The following TDRD9 variants were observed in gnomAD, a reference collection of about 807,000 sequenced individuals.
TDRD9 encodes tudor domain containing 9, also known as ATP-dependent RNA helicase TDRD9.
TDRD9 carries 124 observed loss-of-function variants against 172.6 expected under a neutral mutation model. The observed-to-expected ratio is 0.72, with a 90% confidence interval of 0.62 to 0.83. The LOEUF (loss-of-function observed/expected upper bound fraction) is 0.83. Among genes scored for constraint, TDRD9 ranks in the 40% least tolerant of loss-of-function variants. The pLI is 0.00. For missense variants in TDRD9, 1,479 were observed against 1,714.1 expected (o/e 0.86, Z 2.42); for synonymous variants, 619 against 617.1 (o/e 1.00, Z -0.05).
intron 34 of TDRD9, among the ~76,000 whole-genome samples, chr14:104,044,960 TG>T (rs2035722030): frequency 6.6e-6 from 1 of 152,260 alleles, no homozygotes; most frequent in Non-Finnish European, 1.5e-5. Flanking sequence ...CTGGCCAACA[TG>T]GTAAAACCCT....
chr14:103,959,667 G>A (rs1209596649), intron 2 of TDRD9, among the ~76,000 whole-genome samples: 1 of 152,010 alleles, frequency 6.6e-6, no homozygotes, highest in African/African-American at 2.4e-5. Flanking sequence ...GCCTGATACA[G>A]GTGTTATTTC....
intron 23 of TDRD9, 91 bp from the exon 24 acceptor site, chr14:104,022,066 G>A (rs905422499): frequency 1.5e-5 from 15 of 975,686 alleles, no homozygotes; most frequent in Middle Eastern, 2.6e-4. Flanking sequence ...GAGGAGAGAT[G>A]TGACAGAATT....
chr14:103,935,154 T>C (rs78299392), intron 1 of TDRD9, among the ~76,000 whole-genome samples: 3,485 of 152,336 alleles, frequency 0.023, 78 homozygotes, highest in East Asian at 0.072. Context: ...TGTACCTCTA[T>C]AGCTATGGGA....
Position 103,999,075 on chromosome 14 carries a change from G to A in TDRD9, c.1483+347G>A, listed in dbSNP as rs569619377. Among the ~76,000 whole-genome samples the A allele has an allele frequency of 2.6e-5, 4 of 152,310 alleles. No homozygotes were observed. The East Asian group carries it at 7.7e-4, about 29-fold the overall frequency. ...CCCAAAGTGCTGGGATTACAGGCGT[G>A]AGCCACCGTGCCCGGCCATTCAGAT... On this transcript the variant is annotated intron_variant, in intron 13 of 35. Coordinates refer to ENST00000409874, the MANE Select transcript of TDRD9 (RefSeq NM_153046.3).
rs959029489 is a variant in TDRD9 at position 104,046,081 on chromosome 14, C to T, written c.3975-3527C>T. Among the ~76,000 whole-genome samples the T allele has an allele frequency of 4.6e-5, 7 of 152,110 alleles. No homozygotes were observed. In the South Asian group the frequency reaches 6.2e-4, roughly 14 times the overall value. On this transcript the variant is annotated intron_variant, in intron 34 of 35. Coordinates refer to ENST00000409874, the MANE Select transcript of TDRD9 (RefSeq NM_153046.3). The stretch of plus-strand genomic sequence containing the variant: ...AAGCGATTCTCCTGCCTCAGCCTCC[C>T]GAGTAGCTGGGATTACAGGCACACG...
Position 103,995,756 on chromosome 14 carries a change from C to G in TDRD9, c.1327C>G (p.Leu443Val). The change falls in exon 12 of 36, where the codon CTG becomes GTG. Residue 443 changes from leucine (L) to valine (V), a missense_variant. By Grantham distance (32) the Leu-to-Val change is conservative. Coordinates refer to ENST00000409874, the MANE Select transcript of TDRD9 (RefSeq NM_153046.3). ...TTTCTTTGATGTTTAACAGATTATT[C>G]TGTCCACCAATATTGCAGAGAGTTC... ...SPVPGYRKII[L>V]STNIAESSVT... 1.2e-6 allele frequency: 2 copies of G among 1,605,014 alleles called. No individual in the cohort carries two copies. Among genetic ancestry groups the G allele is most frequent in the Non-Finnish European group, 1.7e-6 (2 of 1,176,328 alleles).
intron 23 of TDRD9, 28 bp downstream of exon 23, chr14:104,018,220 AT>A: frequency 2.3e-6 from 3 of 1,322,382 alleles, no homozygotes; most frequent in Non-Finnish European, 3.2e-6. Flanking sequence ...ATCAACTGCA[AT>A]TATGAAGGAG....
chr14:103,968,721 G>A (rs1283799190), intron 5 of TDRD9, among the ~76,000 whole-genome samples: 4 of 136,594 alleles, frequency 2.9e-5, no homozygotes, highest in Admixed American at 2.4e-4. Flanking sequence ...GCGTGAACCC[G>A]GGAGGCAGAG....
chr14:104,014,890 C>T, intron 21 of TDRD9, 49 bp downstream of exon 21: 1 of 1,159,646 alleles, frequency 8.6e-7, no homozygotes. Flanking sequence ...TTTCTGCTTA[C>T]AAGGTCTTGT....
rs1595991647 is a variant in TDRD9, at chr14:104,017,986, A to T, written c.2332-106A>T. 12 of 682,716 alleles carry T rather than the reference A, an allele frequency of 1.8e-5. No homozygotes were observed. The South Asian group carries it at 2.1e-4, about 12-fold the overall frequency. 42.3% of individuals were successfully genotyped at this position (682,716 alleles called of 1,614,324 possible). On this transcript the variant is annotated intron_variant, in intron 22 of 35. Coordinates refer to ENST00000409874, the MANE Select transcript of TDRD9 (RefSeq NM_153046.3). ...ATATTATGGTTAAAGATAGTAAACT[A>T]TGTTTTTAGAAACTAAAACAGTGTG...
chr14:104,027,321 A>T (rs374907612), intron 28 of TDRD9, among the ~76,000 whole-genome samples: 42 of 152,132 alleles, frequency 2.8e-4, no homozygotes, highest in African/African-American at 9.4e-4. Context: ...GAGTACTTCC[A>T]GGTGTGAGCC....
At position 103,955,739 on chromosome 14, in the gene TDRD9, G is replaced by A; in HGVS notation, c.291G>A (p.Val97=). Residue 97 remains valine, a synonymous_variant, in exon 2 of 36, where the codon GTG becomes GTA. Coordinates refer to ENST00000409874, the MANE Select transcript of TDRD9 (RefSeq NM_153046.3). ...YRQLEAQELD[V]CRSVQPTSGP... Reference sequence around the variant, plus strand: ...AGCTCGAAGCACAAGAGCTTGATGTGTGTCGCAGTGTCCAACCAACCAGTG... The same window carrying A: ...AGCTCGAAGCACAAGAGCTTGATGTATGTCGCAGTGTCCAACCAACCAGTG... The A allele has an allele frequency of 6.4e-7, 1 of 1,551,332 alleles. No homozygotes were observed. Among genetic ancestry groups the A allele is most frequent in the Non-Finnish European group, 8.7e-7 (1 of 1,146,826 alleles).
Position 104,006,384 on chromosome 14 carries a change from T to G in TDRD9, c.1714-5T>G. 6.2e-7 allele frequency: 1 copy of G among 1,610,918 alleles called. No homozygotes were observed. Among genetic ancestry groups the G allele is most frequent in the Middle Eastern group, 1.7e-4 (1 of 6,056 alleles). ...TGATAATAACACTAATTTTATTTTA[T>G]AAAGGTTGGAGCACTTGCAGTGAGT... On this transcript the variant is annotated splice_polypyrimidine_tract_variant and splice_region_variant and intron_variant, in intron 15 of 35. Transcript: ENST00000409874.
intron 1 of TDRD9, among the ~76,000 whole-genome samples, chr14:103,938,329 A>G (rs2030904096): frequency 6.7e-6 from 1 of 148,932 alleles, no homozygotes; most frequent in Non-Finnish European, 1.5e-5. Flanking sequence ...CTTTTTCTTG[A>G]TAAAACACAC....
chr14:103,971,680 C>G (rs1213787869), intron 6 of TDRD9, among the ~76,000 whole-genome samples: 3 of 152,160 alleles, frequency 2.0e-5, no homozygotes, highest in Non-Finnish European at 4.4e-5. Context: ...TACACCAGAT[C>G]TTGCCAGGAA....
chr14:104,006,370 C>G lies in TDRD9; in HGVS notation c.1714-19C>G. On this transcript the variant is annotated intron_variant, in intron 15 of 35. Coordinates refer to ENST00000409874, the MANE Select transcript of TDRD9 (RefSeq NM_153046.3). ...AGTAAGTCAGTGCTTGATAATAACACTAATTTTATTTTATAAAGGTTGGAG... is the reference window on the plus strand; with the variant it reads ...AGTAAGTCAGTGCTTGATAATAACAGTAATTTTATTTTATAAAGGTTGGAG... 8.1e-6 allele frequency: 13 copies of G among 1,607,608 alleles called. No homozygotes were observed. Among genetic ancestry groups the G allele is most frequent in the Non-Finnish European group, 1.0e-5 (12 of 1,175,978 alleles).
chr14:103,990,218 A>T (rs537201171), intron 8 of TDRD9, among the ~76,000 whole-genome samples: 1 of 152,326 alleles, frequency 6.6e-6, no homozygotes, highest in East Asian at 1.9e-4. Context: ...CTACAAACCA[A>T]GGCTGTGTTT....
At chr14:103,995,960 C>T (rs2034044660) in intron 12 of TDRD9, among the ~76,000 whole-genome samples, 153 bp downstream of exon 12, 1 of 152,196 alleles carries the variant, frequency 6.6e-6, no homozygotes, top group Non-Finnish European at 1.5e-5. Context: ...TAGTTTCTCC[C>T]ATACTCTCAG....
At chr14:103,982,001 G>A (rs2033490136) in intron 7 of TDRD9, among the ~76,000 whole-genome samples, 1 of 152,076 alleles carries the variant, frequency 6.6e-6, no homozygotes, top group African/African-American at 2.4e-5. Context: ...TCACCACACT[G>A]TCTGCTGTTA....
Sources: allele counts gnomAD v4.1 joint callset (sites outside exome capture counted in the v4.1 genomes callset), GRCh38; gene constraint gnomAD v4.1.1; transcripts MANE v1.5; gene names NCBI Gene and HGNC (gene_info 2026-07-23, HGNC 2026-07-21).